PTPRT: variants seen among roughly 807,000 people sequenced by gnomAD.
The protein encoded by PTPRT is protein tyrosine phosphatase receptor type T, also known as receptor-type tyrosine-protein phosphatase T.
A neutral mutation model predicts 176.8 loss-of-function variants in PTPRT; 56 were observed. That is an observed-to-expected ratio of 0.32 (90% CI 0.26 to 0.40). The LOEUF (loss-of-function observed/expected upper bound fraction) is 0.40, where lower values mean the gene tolerates loss of function less well. PTPRT is among the 10% of genes least tolerant of loss of function. The pLI, the probability that PTPRT is intolerant of heterozygous loss-of-function variation, is 1.00. For missense variants in PTPRT, 1,540 were observed against 1,908.2 expected (o/e 0.81, Z 3.60); for synonymous variants, 783 against 739.0 (o/e 1.06, Z -0.96).
intron 2 of PTPRT, among the ~76,000 whole-genome samples, chr20:42,811,395 T>TA (rs1569169563): frequency 1.3e-5 from 2 of 152,120 alleles, no homozygotes; most frequent in African/African-American, 2.4e-5. Context: ...AGTTTTTTTT[T>TA]AACACTGTAT....
intron 6 of PTPRT, among the ~76,000 whole-genome samples, chr20:42,743,333 G>A (rs1159479499): frequency 6.6e-6 from 1 of 152,178 alleles, no homozygotes; most frequent in Non-Finnish European, 1.5e-5. Flanking sequence ...TTTTCTACCA[G>A]GTTTAGGAAA....
In PTPRT at chr20:43,177,104, T is replaced by C. The variant is rs150905231; in HGVS notation, c.88+12542A>G. 2.6e-3 allele frequency among the ~76,000 whole-genome samples: 401 copies of C among 152,368 alleles called. 4 individuals are homozygous for C. The highest frequency in any genetic ancestry group is 7.2e-3 in the African/African-American group (300 of 41,586). ...CTGTAACCCATCTGCAATGACGCCA[T>C]TGGTGTCAGAAGTGGGACAGACATG... On this transcript the variant is annotated intron_variant, in intron 1 of 30. Transcript: ENST00000373187.
intron 2 of PTPRT, among the ~76,000 whole-genome samples, chr20:42,815,712 G>C (rs2077771776): frequency 6.6e-6 from 1 of 152,138 alleles, no homozygotes; most frequent in African/African-American, 2.4e-5. Flanking sequence ...AAGTGTTTAG[G>C]CTCACAAAAA....
At chr20:43,028,365 G>C (rs1016285615) in intron 1 of PTPRT, among the ~76,000 whole-genome samples, 1 of 152,076 alleles carries the variant, frequency 6.6e-6, no homozygotes, top group Admixed American at 6.5e-5. Flanking sequence ...TATTTTCCTA[G>C]TAACAAACTT....
In PTPRT at chr20:42,078,320, G is replaced by A. The variant is rs1247463454; in HGVS notation, c.*2559C>T. The A allele has an allele frequency of 4.8e-6, 1 of 209,956 alleles. No individual in the cohort carries two copies. The allele number at this position is 209,956 out of a possible 1,614,324, so 13.0% of individuals were successfully genotyped here. A position where few individuals can be genotyped will look rare whatever the true frequency, so the allele number is the denominator to read the frequency against. On this transcript the variant is annotated 3_prime_UTR_variant, in exon 31 of 31. Transcript: ENST00000373187. ...CATGCCAATGGAAGCAACTTTTGTC[G>A]GCTCCTTTCATGTTCCATCCTCATG...
chr20:43,067,279 T>C (rs568053449), intron 1 of PTPRT, among the ~76,000 whole-genome samples: 5 of 152,278 alleles, frequency 3.3e-5, no homozygotes, highest in African/African-American at 9.6e-5. Flanking sequence ...GGTAAATCCA[T>C]AGAGACAGAA....
chr20:42,551,403 T>C (rs1402653850), intron 7 of PTPRT, among the ~76,000 whole-genome samples: 1 of 152,150 alleles, frequency 6.6e-6, no homozygotes, highest in Non-Finnish European at 1.5e-5. Flanking sequence ...ATTTCAATAA[T>C]TATCTTAGTC....
intron 7 of PTPRT, among the ~76,000 whole-genome samples, chr20:42,599,088 G>T (rs1221563993): frequency 6.6e-6 from 1 of 152,150 alleles, no homozygotes; most frequent in African/African-American, 2.4e-5. Context: ...TTGAGGACCT[G>T]GTGGCAAGGG....
chr20:42,513,201 G>GGTGC, intron 7 of PTPRT, among the ~76,000 whole-genome samples: 2 of 144,666 alleles, frequency 1.4e-5, no homozygotes, highest in South Asian at 4.5e-4. Flanking sequence ...CTATTGATGG[G>GGTGC]GTGTGTGTGT....
chr20:42,364,252 C>T (rs910586790), intron 9 of PTPRT, among the ~76,000 whole-genome samples: 5 of 152,086 alleles, frequency 3.3e-5, no homozygotes, highest in South Asian at 2.1e-4. Context: ...TGGGCCAGTG[C>T]GGGGCTGAAG....
At chr20:42,433,582 G>A (rs1010274665) in intron 9 of PTPRT, among the ~76,000 whole-genome samples, 2 of 152,112 alleles carry the variant, frequency 1.3e-5, no homozygotes, top group African/African-American at 4.8e-5. Context: ...GAGGAGTCAG[G>A]GCACACACTT....
chr20:42,425,577 T>G (rs2059155707), intron 9 of PTPRT, among the ~76,000 whole-genome samples: 1 of 152,182 alleles, frequency 6.6e-6, no homozygotes, highest in Non-Finnish European at 1.5e-5. Context: ...TTGATAATAT[T>G]GTATTCTATA....
At chr20:42,568,366 A>C (rs1241141708) in intron 7 of PTPRT, among the ~76,000 whole-genome samples, 3 of 152,110 alleles carry the variant, frequency 2.0e-5, no homozygotes, top group Non-Finnish European at 4.4e-5. Flanking sequence ...AAATACTCCA[A>C]CGTTGGTATT....
At chr20:42,423,127 T>C (rs1208398472) in intron 9 of PTPRT, among the ~76,000 whole-genome samples, 1 of 127,026 alleles carries the variant, frequency 7.9e-6, no homozygotes, top group Non-Finnish European at 1.6e-5. Context: ...TGAAATAATC[T>C]ACACAATTAG....
intron 7 of PTPRT, among the ~76,000 whole-genome samples, chr20:42,569,084 A>G (rs990163380): frequency 1.8e-5 from 1 of 55,028 alleles, no homozygotes; most frequent in Non-Finnish European, 3.2e-5. Context: ...AAAAAAAAAT[A>G]TATATATATA....
intron 9 of PTPRT, among the ~76,000 whole-genome samples, chr20:42,362,881 G>A (rs1337287904): frequency 1.3e-5 from 2 of 151,944 alleles, no homozygotes; most frequent in Middle Eastern, 3.4e-3. Flanking sequence ...CAAGGGGGAC[G>A]GATCATCTGG....
intron 7 of PTPRT, among the ~76,000 whole-genome samples, chr20:42,603,113 G>T (rs557006312): frequency 6.6e-6 from 1 of 152,088 alleles, no homozygotes; most frequent in Non-Finnish European, 1.5e-5. Flanking sequence ...CTGTTCTCAC[G>T]GAGCTTACAG....
At chr20:42,446,221 T>G (rs1483522412) in intron 9 of PTPRT, among the ~76,000 whole-genome samples, 1 of 152,188 alleles carries the variant, frequency 6.6e-6, no homozygotes, top group Non-Finnish European at 1.5e-5. Context: ...CATGACAAAG[T>G]TGCCATCAAT....
chr20:42,922,064 T>C (rs1028805194), intron 1 of PTPRT, among the ~76,000 whole-genome samples: 5 of 152,126 alleles, frequency 3.3e-5, no homozygotes, highest in Non-Finnish European at 5.9e-5. Flanking sequence ...GCCTCCCGAG[T>C]AGCTGGGACT....
Sources: allele counts gnomAD v4.1 joint callset (sites outside exome capture counted in the v4.1 genomes callset), GRCh38; gene constraint gnomAD v4.1.1; transcripts MANE v1.5; gene names NCBI Gene and HGNC (gene_info 2026-07-23, HGNC 2026-07-21).